Variants in SF3B2 observed in about 807,000 individuals in gnomAD.
SF3B2 encodes the protein SAP 145.
SF3B2 carries 22 observed loss-of-function variants against 116.3 expected under a neutral mutation model. The ratio of observed to expected loss-of-function variants is 0.19; its 90% CI spans 0.14 to 0.27. The LOEUF is 0.27. SF3B2 is among the 10% of genes least tolerant of loss of function. SF3B2 has a pLI of 1.00. For synonymous variants in SF3B2, 406 were observed against 421.6 expected, an observed-to-expected ratio of 0.96 and a Z score of 0.45; for missense variants, 767 against 1,151.4, an observed-to-expected ratio of 0.67 and a Z score of 4.83.
At chr11:66,057,480 A>C in intron 7 of SF3B2, 105 bp downstream of exon 7, 2 of 677,766 alleles carry the variant, frequency 3.0e-6, no homozygotes. Context: ...GGGGACTTAA[A>C]TTCCTGGGGG....
chr11:66,068,650 C>T (rs900296516), intron 21 of SF3B2, 24 bp from the exon 22 acceptor site: 22 of 1,611,822 alleles, frequency 1.4e-5, no homozygotes, highest in Non-Finnish European at 1.9e-5. Context: ...CTGTCTTAAC[C>T]TGTGTCTCTT....
intron 5 of SF3B2, 132 bp downstream of exon 5, chr11:66,055,717 A>G: frequency 2.6e-6 from 2 of 770,510 alleles, no homozygotes; most frequent in Non-Finnish European, 4.2e-6. Flanking sequence ...TATCTTCCAA[A>G]GCTTTCAATT....
Position 66,053,135 on chromosome 11 carries a change from C to T in SF3B2, c.258+31C>T, listed in dbSNP as rs759427062. 75 of 1,589,016 alleles carry T rather than the reference C, an allele frequency of 4.7e-5. No individual in the cohort carries two copies. The Admixed American group carries it at 1.3e-3, about 26-fold the overall frequency. On this transcript the variant is annotated intron_variant, in intron 3 of 21. Transcript: ENST00000322535. ...GAGATTCTTCTGTTTTTTAAGATTC[C>T]ATCTGCTGATCCTTTTGTAGTTCAT... is the stretch of plus-strand genomic sequence containing the variant.
At chr11:66,055,803 T>C (rs1190397059) in intron 5 of SF3B2, 36 of 509,728 alleles carry the variant, frequency 7.1e-5, no homozygotes, top group Non-Finnish European at 1.2e-4. Flanking sequence ...AAAATAACTT[T>C]AAAATTTTTT....
chr11:66,057,733 T>C (rs1290810908), intron 7 of SF3B2, among the ~76,000 whole-genome samples: 3 of 151,556 alleles, frequency 2.0e-5, no homozygotes, highest in Non-Finnish European at 2.9e-5. Context: ...CCCAGCACTT[T>C]GGGAGGCCGA....
chr11:66,065,506 T>C (rs1261676458), intron 19 of SF3B2: 1 of 152,158 alleles, frequency 6.6e-6, no homozygotes, highest in Non-Finnish European at 1.5e-5. Flanking sequence ...GGTTTTTAGT[T>C]TTTATTAATT....
Position 66,067,943 on chromosome 11 carries a change from C to A in SF3B2, c.2331-3C>A, listed in dbSNP as rs1458016498. On this transcript the variant is annotated splice_polypyrimidine_tract_variant and splice_region_variant and intron_variant, in intron 19 of 21. Transcript: ENST00000322535. ...TTGGGCCTGATCCCATTGTCCTTCG[C>A]AGAAGTGAGACACCTCAGCTCTTCA... is the stretch of plus-strand genomic sequence containing the variant. 6.2e-7 allele frequency: 1 copy of A among 1,613,090 alleles called. No individual in the cohort carries two copies. The highest frequency in any genetic ancestry group is 2.2e-5 in the East Asian group (1 of 44,872).
intron 5 of SF3B2, 70 bp downstream of exon 5, chr11:66,055,655 T>C (rs1856981347): frequency 7.1e-7 from 1 of 1,410,242 alleles, no homozygotes; most frequent in Non-Finnish European, 1.0e-6. Context: ...GTGCTTAGAG[T>C]GCACCATTCA....
At chr11:66,057,970 C>G in intron 7 of SF3B2, 84 bp from the exon 8 acceptor site, 1 of 970,146 alleles carries the variant, frequency 1.0e-6, no homozygotes, top group East Asian at 2.8e-5. Flanking sequence ...AAAACTCCGT[C>G]TCAAAAAAAA....
Position 66,063,445 on chromosome 11 carries a change from C to A in SF3B2, c.2131C>A (p.Leu711Met). 6.2e-7 allele frequency: 1 copy of A among 1,614,076 alleles called. No individual in the cohort carries two copies. The highest frequency in any genetic ancestry group is 8.5e-7 in the Non-Finnish European group (1 of 1,179,972). The change falls in exon 18 of 22, where the codon CTG becomes ATG. Residue 711 changes from leucine (L) to methionine (M), a missense_variant. Leu to Met is a conservative substitution (Grantham distance 15). Transcript: ENST00000322535. ...GATTGATCGGACCCCTTGGGGGGAA[C>A]TGGAACCATCTGATGAAGAATCCTC... ...EEIDRTPWGELEPSDEESSEE... is the reference protein window; with the variant it reads ...EEIDRTPWGEMEPSDEESSEE...
At chr11:66,054,115 G>A (rs1856947498) in intron 3 of SF3B2, among the ~76,000 whole-genome samples, 1 of 147,500 alleles carries the variant, frequency 6.8e-6, no homozygotes, top group Non-Finnish European at 1.5e-5. Context: ...CCTGGAGGTG[G>A]ACGGTGCAGT....
intron 7 of SF3B2, 29 bp downstream of exon 7, chr11:66,057,404 AAG>A (rs764085353): frequency 1.3e-5 from 13 of 1,036,062 alleles, no homozygotes; most frequent in Non-Finnish European, 2.0e-5. Context: ...TCCTAGGGAT[AAG>A]AGAGTGGTAG....
intron 3 of SF3B2, chr11:66,053,346 T>A: frequency 3.8e-6 from 2 of 527,252 alleles, no homozygotes; most frequent in Admixed American, 6.3e-5. Context: ...CTCTCTTTGA[T>A]GCTGACACTT....
rs1253818047 is a variant in SF3B2 at position 66,055,089 on chromosome 11, C to G, written c.272C>G (p.Pro91Arg). ...PPMSAQLPGI[P>R]MPPPPLGLPP... ...TTTTCTCCACAGCTCCCTGGAATTC[C>G]CATGCCACCACCACCTTTGGGACTC... is the stretch of plus-strand genomic sequence containing the variant. Residue 91 changes from proline (P) to arginine (R), a missense_variant, in exon 4 of 22, where the codon CCC (proline) becomes CGC (arginine). This residue lies in a region of SF3B2 where 455 missense variants were observed against 537.5 expected (regional missense o/e 0.85). Transcript: ENST00000322535. 6.6e-7 allele frequency: 1 copy of G among 1,514,364 alleles called. No homozygotes were observed. The highest frequency in any genetic ancestry group is 8.8e-7 in the Non-Finnish European group (1 of 1,130,270). The allele number at this position is 1,514,364 out of a possible 1,614,324, so 93.8% of individuals were successfully genotyped here. A position where few individuals can be genotyped will look rare whatever the true frequency, so the allele number is the denominator to read the frequency against.
In SF3B2 at chr11:66,069,077, C is replaced by T; in HGVS notation, c.*332C>T. ...CCAGGCTGAAATCTGTGTTTCACCA[C>T]TGCCCTGCTTTGTAGGAAGGCTTGG... On this transcript the variant is annotated 3_prime_UTR_variant, in exon 22 of 22. Transcript: ENST00000322535. The T allele has an allele frequency of 2.6e-6, 1 of 385,328 alleles. No homozygotes were observed. Among genetic ancestry groups the T allele is most frequent in the Non-Finnish European group, 5.0e-6 (1 of 200,350 alleles). The allele number at this position is 385,328 out of a possible 1,614,324, so 23.9% of individuals were successfully genotyped here. A position where few individuals can be genotyped will look rare whatever the true frequency, so the allele number is the denominator to read the frequency against.
chr11:66,053,339 T>A (rs1231603783), intron 3 of SF3B2: 1 of 539,614 alleles, frequency 1.9e-6, no homozygotes, highest in African/African-American at 1.9e-5. Context: ...TTCAGTTCTC[T>A]CTTTGATGCT....
intron 3 of SF3B2, 97 bp from the exon 4 acceptor site, chr11:66,054,979 T>C (rs1407500089): frequency 8.1e-7 from 1 of 1,237,272 alleles, no homozygotes; most frequent in Non-Finnish European, 1.1e-6. Context: ...ATCATTTGAC[T>C]TAGAATTCCA....
At position 66,063,383 on chromosome 11, in the gene SF3B2, A is replaced by G. The variant is rs762138968; in HGVS notation, c.2086-17A>G. ...ACTTAGAAAACATTTGTTGAATGAT[A>G]AAGTGATCTCTTTCAGACCAAGACT... On this transcript the variant is annotated splice_polypyrimidine_tract_variant and intron_variant, in intron 17 of 21. Transcript: ENST00000322535. 1 of 1,601,444 alleles carries G rather than the reference A, an allele frequency of 6.2e-7. No homozygotes were observed. The highest frequency in any genetic ancestry group is 8.5e-7 in the Non-Finnish European group (1 of 1,173,914).
chr11:66,061,542 C>T (rs1481663428), intron 14 of SF3B2, 144 bp from the exon 15 acceptor site: 23 of 678,540 alleles, frequency 3.4e-5, no homozygotes, highest in African/African-American at 3.6e-5. Flanking sequence ...ATTCCTTCCC[C>T]GACTTTGGCC....
Sources: gnomAD v4.1 joint callset for allele counts (sites outside exome capture counted in the v4.1 genomes callset) on GRCh38, gnomAD v4.1.1 for gene constraint, gnomAD v4.1.1 regional missense constraint, MANE v1.5 for transcripts, NCBI Gene and HGNC (gene_info 2026-07-23, HGNC 2026-07-21) for gene names.